Variants in PCDHGB7 observed in about 807,000 individuals in gnomAD.
The protein encoded by PCDHGB7 is protocadherin gamma-B7.
PCDHGB7 carries 37 observed loss-of-function variants against 61.4 expected under a neutral mutation model. That is an observed-to-expected ratio of 0.60 (90% confidence interval 0.46 to 0.79). The LOEUF (loss-of-function observed/expected upper bound fraction) is 0.79. Among genes scored for constraint, PCDHGB7 ranks in the 30% least tolerant of loss-of-function variants. The pLI is 0.00. For synonymous variants in PCDHGB7, 464 were observed against 503.5 expected, an observed-to-expected ratio of 0.92 and a Z score of 1.05; for missense variants, 1,166 against 1,202.5, an observed-to-expected ratio of 0.97 and a Z score of 0.45.
chr5:141,423,233 TC>T, intron 1 of PCDHGB7: 1 of 1,613,860 alleles, frequency 6.2e-7, no homozygotes, highest in Non-Finnish European at 8.5e-7. Flanking sequence ...GCCGACAGCA[TC>T]CCCGAAGTCC....
chr5:141,419,137 C>CAGGG lies in PCDHGB7; in HGVS notation c.1279_1282dup (p.Gly428GlufsTer18). 1 of 1,613,892 alleles carries CAGGG rather than the reference C, an allele frequency of 6.2e-7. No homozygotes were observed. Among genetic ancestry groups the CAGGG allele is most frequent in the Non-Finnish European group, 8.5e-7 (1 of 1,179,878 alleles). On this transcript the variant is annotated frameshift_variant, in exon 1 of 4. Transcript: ENST00000398594. LOFTEE classifies it high-confidence loss of function. The stretch of plus-strand genomic sequence containing the variant: ...ACAACGTCACCATCGCAGCCACAGA[C>CAGGG]AGGGGCAAGCCTCCGTTATCCTCCA...
chr5:141,486,561 T>C lies in PCDHGB7; in HGVS notation c.2416-8246T>C. ...TTCTTTCAGAGGTCACATGAGGTGT[T>C]TGTTCCTGAGAACAATCGCCCAGGG... On this transcript the variant is annotated intron_variant, in intron 1 of 3. Transcript: ENST00000398594. This position sits in a 1 kb window ranked among gnomAD's most constrained non-coding sequence, Gnocchi z 5.0. 6.2e-7 allele frequency: 1 copy of C among 1,614,076 alleles called. No individual in the cohort carries two copies. Among genetic ancestry groups the C allele is most frequent in the Non-Finnish European group, 8.5e-7 (1 of 1,180,030 alleles).
At position 141,491,856 on chromosome 5, in the gene PCDHGB7, C is replaced by T; in HGVS notation, c.2416-2951C>T. 1.4e-6 allele frequency: 2 copies of T among 1,458,728 alleles called. No individual in the cohort carries two copies. Among genetic ancestry groups the T allele is most frequent in the Non-Finnish European group, 1.8e-6 (2 of 1,103,072 alleles). 90.4% of individuals were successfully genotyped at this position (1,458,728 alleles called of 1,614,324 possible). A position where few individuals can be genotyped will look rare whatever the true frequency, so the allele number is the denominator to read the frequency against. ...TCTCGGGATCATTGGACCGTTTGCG[C>T]GAAACCAGAGTGGCCGATTAAGGGA... On this transcript the variant is annotated intron_variant, in intron 1 of 3. Coordinates refer to ENST00000398594, the MANE Select transcript of PCDHGB7 (RefSeq NM_018927.4). The surrounding 1 kb of genome is among the most constrained non-coding windows in gnomAD (Gnocchi z 6.9).
intron 3 of PCDHGB7, chr5:141,508,010 CAAG>C (rs2099865550): frequency 6.6e-6 from 1 of 152,308 alleles, no homozygotes; most frequent in Non-Finnish European, 1.5e-5. Context: ...GGGATGCTCT[CAAG>C]GAGGCTGCGG....
At chr5:141,479,982 C>T (rs368461965) in intron 1 of PCDHGB7, among the ~76,000 whole-genome samples, 1 of 152,192 alleles carries the variant, frequency 6.6e-6, no homozygotes, top group South Asian at 2.1e-4. Flanking sequence ...CTACCATTTA[C>T]CAACTAGGAG....
Position 141,418,985 on chromosome 5 carries a change from T to G in PCDHGB7, c.1126T>G (p.Ser376Ala). ...CCTCTTCAAAACACGGGACCAAGACTCAGGGGAAAATGGGGAAGTCAGGTG... is the reference window on the plus strand; with the variant it reads ...CCTCTTCAAAACACGGGACCAAGACGCAGGGGAAAATGGGGAAGTCAGGTG... ...VALFKTRDQDSGENGEVRCSL... is the reference protein window; with the variant it reads ...VALFKTRDQDAGENGEVRCSL... Residue 376 changes from serine (S) to alanine (A), a missense_variant, in exon 1 of 4, where the codon TCA (serine) becomes GCA (alanine). By Grantham distance (99) the Ser-to-Ala change is moderately conservative. Transcript: ENST00000398594. 6.2e-7 allele frequency: 1 copy of G among 1,613,882 alleles called. No homozygotes were observed. Among genetic ancestry groups the G allele is most frequent in the Non-Finnish European group, 8.5e-7 (1 of 1,179,866 alleles).
Position 141,418,136 on chromosome 5 carries a change from G to C in PCDHGB7, c.277G>C (p.Glu93Gln), listed in dbSNP as rs1218707482. 9.3e-6 allele frequency: 15 copies of C among 1,613,984 alleles called. No homozygotes were observed. Among genetic ancestry groups the C allele is most frequent in the Non-Finnish European group, 1.1e-5 (13 of 1,179,922 alleles). ...DLLVKDRIDR[E>Q]QICKERRRCE... ...ACTTGTGAAGGACCGAATAGACCGT[G>C]AGCAAATATGCAAAGAGAGAAGAAG... Residue 93 changes from glutamate to glutamine, a missense_variant, in exon 1 of 4, where the codon GAG becomes CAG. By Grantham distance (29) the Glu-to-Gln change is conservative. Coordinates refer to ENST00000398594, the MANE Select transcript of PCDHGB7 (RefSeq NM_018927.4).
chr5:141,497,739 A>G (rs1180122239), intron 2 of PCDHGB7, among the ~76,000 whole-genome samples: 1 of 152,118 alleles, frequency 6.6e-6, no homozygotes, highest in Admixed American at 6.6e-5. Flanking sequence ...GGGTTTCGCC[A>G]CGTTGGCCAG....
chr5:141,423,310 G>C, intron 1 of PCDHGB7: 2 of 1,614,180 alleles, frequency 1.2e-6, no homozygotes, highest in Non-Finnish European at 1.7e-6. Context: ...GCTGTACTTG[G>C]TGGTGGCGGT....
At chr5:141,497,768 G>A (rs920949258) in intron 2 of PCDHGB7, among the ~76,000 whole-genome samples, 8 of 152,070 alleles carry the variant, frequency 5.3e-5, no homozygotes, top group East Asian at 1.9e-4. Flanking sequence ...CAAACTCCCC[G>A]ACCTCAACTG....
At chr5:141,425,209 A>G (rs2096861765) in intron 1 of PCDHGB7, among the ~76,000 whole-genome samples, 1 of 152,180 alleles carries the variant, frequency 6.6e-6, no homozygotes, top group African/African-American at 2.4e-5. Context: ...GATGTAAGGC[A>G]TTGTACTTTG....
chr5:141,493,338 A>G lies in PCDHGB7; in HGVS notation c.2416-1469A>G, dbSNP rs773870729. Among the ~76,000 whole-genome samples the G allele has an allele frequency of 6.6e-6, 1 of 152,162 alleles. No individual in the cohort carries two copies. The highest frequency in any genetic ancestry group is 1.5e-5 in the Non-Finnish European group (1 of 68,028). On this transcript the variant is annotated intron_variant, in intron 1 of 3. Transcript: ENST00000398594. This position sits in a 1 kb window ranked among gnomAD's most constrained non-coding sequence, Gnocchi z 4.3. ...GATTCTAACCCCTGTCTAACTCCAG[A>G]ATGTGTGCTTTTAATTTCTTGGCAC...
rs1053018756 is a variant in PCDHGB7, at chr5:141,497,630, G to T, written c.2474+2765G>T. ...TCTTGGCTCACTGCAACCTCTGCCT[G>T]CCAGGTTCAAGCGATTCTCCTGCCT... is the stretch of plus-strand genomic sequence containing the variant. On this transcript the variant is annotated intron_variant, in intron 2 of 3. Coordinates refer to ENST00000398594, the MANE Select transcript of PCDHGB7 (RefSeq NM_018927.4). 3.3e-5 allele frequency among the ~76,000 whole-genome samples: 5 copies of T among 150,256 alleles called. No homozygotes were observed. The Admixed American group carries it at 3.3e-4, about 10-fold the overall frequency.
chr5:141,461,389 G>T (rs2099014363), intron 1 of PCDHGB7, among the ~76,000 whole-genome samples: 1 of 152,110 alleles, frequency 6.6e-6, no homozygotes. Context: ...CTGATGATTA[G>T]CGATGTTGAG....
At chr5:141,473,010 AAAAG>A (rs1014377988) in intron 1 of PCDHGB7, among the ~76,000 whole-genome samples, 22 of 151,958 alleles carry the variant, frequency 1.4e-4, no homozygotes, top group Admixed American at 7.9e-4. Context: ...AAGAAAAAGA[AAAAG>A]AAAGAAGGAA....
chr5:141,428,288 A>G (rs1413902705), intron 1 of PCDHGB7: 1 of 728,846 alleles, frequency 1.4e-6, no homozygotes, highest in Middle Eastern at 2.3e-4. Flanking sequence ...TCCCAAGCAA[A>G]GCTGCAGATT....
At chr5:141,427,444 G>T (rs1184893966) in intron 1 of PCDHGB7, 1 of 482,228 alleles carries the variant, frequency 2.1e-6, no homozygotes, top group South Asian at 1.5e-5. Flanking sequence ...ATAAACGAAA[G>T]AGTTCCTTTT....
chr5:141,447,824 G>T (rs926580893), intron 1 of PCDHGB7, among the ~76,000 whole-genome samples: 2 of 152,034 alleles, frequency 1.3e-5, no homozygotes, highest in Non-Finnish European at 2.9e-5. Context: ...GGTGGCTCAC[G>T]CCTGTAATCC....
chr5:141,434,455 G>A (rs2097695575), intron 1 of PCDHGB7, among the ~76,000 whole-genome samples: 1 of 152,192 alleles, frequency 6.6e-6, no homozygotes, highest in Admixed American at 6.5e-5. Context: ...GAAGGTAGTG[G>A]GTTTACCGGA....
Sources: gnomAD v4.1 joint callset for allele counts (sites outside exome capture counted in the v4.1 genomes callset) on GRCh38, gnomAD v4.1.1 for gene constraint, Gnocchi (gnomAD v3.1) non-coding constraint, MANE v1.5 for transcripts, NCBI Gene and HGNC (gene_info 2026-07-23, HGNC 2026-07-21) for gene names.